The following ABCA1 variants were observed in gnomAD, a reference collection of about 807,000 sequenced individuals.
The protein encoded by ABCA1 is phospholipid-transporting ATPase ABCA1.
Under a neutral mutation model 262.5 loss-of-function variants are expected in ABCA1, and 133 were observed. The ratio of observed to expected loss-of-function variants is 0.51; its 90% CI spans 0.44 to 0.59. The LOEUF is 0.59. ABCA1 is among the 20% of genes least tolerant of loss of function. The pLI, the probability that ABCA1 is intolerant of heterozygous loss-of-function variation, is 0.00. For missense variants in ABCA1, 2,452 were observed against 2,777.5 expected (o/e 0.88, Z 2.63); for synonymous variants, 1,022 against 1,043.5 (o/e 0.98, Z 0.40).
In ABCA1 at chr9:104,783,269, A is replaced by C. The variant is rs998362887; in HGVS notation, c.*1046T>G. 2 of 152,244 alleles carry C rather than the reference A, an allele frequency of 1.3e-5. No individual in the cohort carries two copies. The highest frequency in any genetic ancestry group is 4.8e-5 in the African/African-American group (2 of 41,462). 9.4% of individuals were successfully genotyped at this position (152,244 alleles called of 1,614,324 possible). ...ACTGATAGAACTTAAAATTCCAAAT[A>C]ACATTAAAAAGTACAAACATTTTTG... is the stretch of plus-strand genomic sequence containing the variant. On this transcript the variant is annotated 3_prime_UTR_variant, in exon 50 of 50. Coordinates refer to ENST00000374736, the MANE Select transcript of ABCA1 (RefSeq NM_005502.4).
At chr9:104,810,360 A>T (rs1235800160) in intron 29 of ABCA1, among the ~76,000 whole-genome samples, 1 of 152,028 alleles carries the variant, frequency 6.6e-6, no homozygotes, top group Non-Finnish European at 1.5e-5. Flanking sequence ...ACTACCTAAC[A>T]TCCCAAATAT....
At chr9:104,868,964 G>C (rs1030880303) in intron 5 of ABCA1, among the ~76,000 whole-genome samples, 1 of 151,958 alleles carries the variant, frequency 6.6e-6, no homozygotes, top group African/African-American at 2.4e-5. Context: ...TCTGAGCATA[G>C]AGGACAAGGA....
In ABCA1 at chr9:104,810,991, G is replaced by A; in HGVS notation, c.4051-67C>T. ...CGGCAAGTGTTAGAAACAAGGCCAA[G>A]GGGCAAATCCCTACGAGTCCAGCCC... On this transcript the variant is annotated intron_variant, in intron 28 of 49. Transcript: ENST00000374736. The A allele has an allele frequency of 1.9e-6, 3 of 1,610,218 alleles. No homozygotes were observed. The South Asian group carries it at 3.3e-5, about 18-fold the overall frequency.
In ABCA1 at chr9:104,858,509, C is replaced by T. The variant is rs1234181421; in HGVS notation, c.720+13G>A. 1 of 1,612,504 alleles carries T rather than the reference C, an allele frequency of 6.2e-7. No individual in the cohort carries two copies. The highest frequency in any genetic ancestry group is 8.5e-7 in the Non-Finnish European group (1 of 1,179,284). On this transcript the variant is annotated intron_variant, in intron 7 of 49. Coordinates refer to ENST00000374736, the MANE Select transcript of ABCA1 (RefSeq NM_005502.4). Reference sequence around the variant, plus strand: ...TAGTGCTTGAAGTTTCTCCAGTGAGCAAGTCTACTCACCAGGATTGGCTTC... The same window carrying T: ...TAGTGCTTGAAGTTTCTCCAGTGAGTAAGTCTACTCACCAGGATTGGCTTC...
chr9:104,894,761 G>A (rs1840057097), intron 2 of ABCA1, among the ~76,000 whole-genome samples: 2 of 152,306 alleles, frequency 1.3e-5, no homozygotes, highest in Non-Finnish European at 2.9e-5. Context: ...TGCTGAGCTG[G>A]GAGACTAGCA....
Position 104,819,629 on chromosome 9 carries a change from G to GT in ABCA1, c.3197dup (p.Tyr1066Ter). The GT allele has an allele frequency of 6.2e-7, 1 of 1,614,220 alleles. No individual in the cohort carries two copies. Among genetic ancestry groups the GT allele is most frequent in the Non-Finnish European group, 8.5e-7 (1 of 1,180,038 alleles). Residue 1066 changes from tyrosine to a stop codon, truncating the protein, a stop_gained and frameshift_variant, in exon 22 of 50, where the codon TAC (tyrosine) becomes TAAC (stop). Coordinates refer to ENST00000374736, the MANE Select transcript of ABCA1 (RefSeq NM_005502.4). LOFTEE classifies it high-confidence loss of function. The stretch of plus-strand genomic sequence containing the variant: ...GCAGCTCCCATATTCCCCTGCGGGA[G>GT]TAAGGGTCCACACCAGCTGTGGGTT... ...LDEPTAGVDP[Y>*]SRRGIWELLL...
intron 1 of ABCA1, among the ~76,000 whole-genome samples, chr9:104,904,123 T>C (rs901144709): frequency 2.6e-5 from 4 of 152,216 alleles, no homozygotes; most frequent in African/African-American, 9.6e-5. Flanking sequence ...CCCAGAGACC[T>C]ACCTCTCTTT....
chr9:104,788,327 A>T, intron 45 of ABCA1, 99 bp downstream of exon 45: 1 of 1,535,016 alleles, frequency 6.5e-7, no homozygotes. Flanking sequence ...TGCATTCATG[A>T]GGAAAAACAG....
At chr9:104,786,184 T>A in intron 48 of ABCA1, 114 bp downstream of exon 48, 1 of 888,370 alleles carries the variant, frequency 1.1e-6, no homozygotes, top group Non-Finnish European at 1.8e-6. Flanking sequence ...TCCACTATAC[T>A]GTTTTGCTCA....
At position 104,928,041 on chromosome 9, in the gene ABCA1, G is replaced by C. The variant is rs1826491838; in HGVS notation, c.-199C>G. The stretch of plus-strand genomic sequence containing the variant: ...GAAAAAACAAGGAGCAAAGCGCCCT[G>C]AGAACCGGCTCTGTTGGTGCGCGGA... On this transcript the variant is annotated 5_prime_UTR_variant, in exon 1 of 50. Coordinates refer to ENST00000374736, the MANE Select transcript of ABCA1 (RefSeq NM_005502.4). 6.6e-6 allele frequency: 1 copy of C among 152,262 alleles called. No homozygotes were observed. The highest frequency in any genetic ancestry group is 6.5e-5 in the Admixed American group (1 of 15,284). 9.4% of individuals were successfully genotyped at this position (152,262 alleles called of 1,614,324 possible). A position where few individuals can be genotyped will look rare whatever the true frequency, so the allele number is the denominator to read the frequency against.
intron 6 of ABCA1, among the ~76,000 whole-genome samples, chr9:104,859,615 T>G (rs935901558): frequency 2.0e-5 from 3 of 152,232 alleles, no homozygotes; most frequent in African/African-American, 7.2e-5. Flanking sequence ...TTTGAAATAC[T>G]GCAGAACATT....
rs185693933 is a variant in ABCA1 at position 104,838,391 on chromosome 9, C to T, written c.1055-824G>A. ...TTGGGAGGCCGAGACAGGCGGATCACGAGGTCAGGAGATCGAGACCATCCT... is the reference window on the plus strand; with the variant it reads ...TTGGGAGGCCGAGACAGGCGGATCATGAGGTCAGGAGATCGAGACCATCCT... On this transcript the variant is annotated intron_variant, in intron 9 of 49. Coordinates refer to ENST00000374736, the MANE Select transcript of ABCA1 (RefSeq NM_005502.4). Among the ~76,000 whole-genome samples the T allele has an allele frequency of 6.4e-4, 97 of 150,554 alleles. 2 individuals carry two copies. The East Asian group carries it at 0.017, about 27-fold the overall frequency.
At chr9:104,826,834 A>C in intron 16 of ABCA1, 114 bp downstream of exon 16, 1 of 966,222 alleles carries the variant, frequency 1.0e-6, no homozygotes, top group Non-Finnish European at 1.6e-6. Context: ...GCTAAGGTTC[A>C]TGTCCCATTG....
At chr9:104,910,591 T>C (rs763609809) in intron 1 of ABCA1, among the ~76,000 whole-genome samples, 2 of 152,096 alleles carry the variant, frequency 1.3e-5, no homozygotes, top group Non-Finnish European at 2.9e-5. Context: ...AGAGAGTATG[T>C]GTGTGTGTGT....
At chr9:104,854,642 A>G (rs1470575865) in intron 7 of ABCA1, among the ~76,000 whole-genome samples, 2 of 152,110 alleles carry the variant, frequency 1.3e-5, no homozygotes, top group African/African-American at 4.8e-5. Context: ...AAAGTTAAGA[A>G]AAGTTCACCT....
At chr9:104,792,598 G>T (rs556289810) in intron 42 of ABCA1, among the ~76,000 whole-genome samples, 188 bp downstream of exon 42, 2 of 152,278 alleles carry the variant, frequency 1.3e-5, no homozygotes, top group African/African-American at 2.4e-5. Context: ...TATCACAAAA[G>T]AATTCTCAGT....
chr9:104,810,681 A>T, intron 29 of ABCA1, 119 bp downstream of exon 29: 1 of 1,508,872 alleles, frequency 6.6e-7, no homozygotes, highest in Non-Finnish European at 9.2e-7. Flanking sequence ...CAGGGACCTG[A>T]GCCGCAGCAG....
At chr9:104,824,226 G>A (rs901202655) in intron 18 of ABCA1, among the ~76,000 whole-genome samples, 4 of 151,246 alleles carry the variant, frequency 2.6e-5, no homozygotes, top group Non-Finnish European at 5.9e-5. Flanking sequence ...TACTCTTCTA[G>A]AAGCCAAGAC....
At chr9:104,827,769 G>C (rs1284393141) in intron 15 of ABCA1, among the ~76,000 whole-genome samples, 4 of 152,166 alleles carry the variant, frequency 2.6e-5, no homozygotes, top group African/African-American at 9.7e-5. Flanking sequence ...CTTGCAGTTA[G>C]ATAACAGAGC....
Sources: allele counts gnomAD v4.1 joint callset (sites outside exome capture counted in the v4.1 genomes callset), GRCh38; gene constraint gnomAD v4.1.1; transcripts MANE v1.5; gene names NCBI Gene and HGNC (gene_info 2026-07-23, HGNC 2026-07-21).